The following RIF1 variants were observed in gnomAD, a reference collection of about 807,000 sequenced individuals.
The protein encoded by RIF1 is telomere-associated protein RIF1.
Under a neutral mutation model 247.1 loss-of-function variants are expected in RIF1, and 45 were observed. That is an observed-to-expected ratio of 0.18 (90% CI 0.14 to 0.23). The LOEUF is 0.23. RIF1 is among the 10% of genes least tolerant of loss of function. The probability of loss-of-function intolerance (pLI) is 1.00; values close to 1 mark genes in which losing one functional copy is unlikely to be tolerated. For synonymous variants in RIF1, 1,087 were observed against 978.8 expected (o/e 1.11, Z -2.06); for missense variants, 2,967 against 2,862.5 (o/e 1.04, Z -0.83).
At chr2:151,519,708 C>G in the RIF1 span, 1 of 1,613,226 alleles carries the variant, frequency 6.2e-7, no homozygotes, top group Non-Finnish European at 8.5e-7. Context: ...AGCTGGCTGT[C>G]TTTTGGATTG....
chr2:151,501,255 A>G, intron 11 of RIF1: 2 of 557,996 alleles, frequency 3.6e-6, no homozygotes, highest in Non-Finnish European at 6.4e-6. Flanking sequence ...GATCTGGAAA[A>G]CAGAAGGATT....
chr2:151,445,197 G>A (rs1049795120), intron 18 of RIF1, 141 bp from the exon 19 acceptor site: 5 of 635,336 alleles, frequency 7.9e-6, no homozygotes, highest in Admixed American at 5.2e-5. Context: ...GCGTAGGTTC[G>A]AGGGGTTAAG....
At chr2:151,474,547 A>G (rs1221271875) in intron 35 of RIF1, among the ~76,000 whole-genome samples, 1 of 152,156 alleles carries the variant, frequency 6.6e-6, no homozygotes, top group Non-Finnish European at 1.5e-5. Flanking sequence ...GTGGTGGTGC[A>G]TGCCAGTAAT....
chr2:151,504,947 G>C (rs1397626682), intron 12 of RIF1, among the ~76,000 whole-genome samples: 2 of 152,004 alleles, frequency 1.3e-5, no homozygotes, highest in Non-Finnish European at 2.9e-5. Context: ...AGAGAGCAAA[G>C]AATACAGGAG....
At chr2:151,425,032 A>G (rs1198085841) in intron 8 of RIF1, among the ~76,000 whole-genome samples, 11 of 151,592 alleles carry the variant, frequency 7.3e-5, no homozygotes, top group Non-Finnish European at 1.3e-4. Context: ...CCAGTAATGC[A>G]CTGGGGTTCC....
In RIF1 at chr2:151,412,730, G is replaced by A. The variant is rs573915977; in HGVS notation, c.183+1392G>A. ...ACTCTTGACCTCAGGTGATCCACCCGCCTTGGCCTCTCAGAGGGCTAGGAT... is the reference window on the plus strand; with the variant it reads ...ACTCTTGACCTCAGGTGATCCACCCACCTTGGCCTCTCAGAGGGCTAGGAT... On this transcript the variant is annotated intron_variant, in intron 3 of 35. Transcript: ENST00000444746. Among the ~76,000 whole-genome samples, 3 of 152,074 alleles carry A rather than the reference G, an allele frequency of 2.0e-5. No homozygotes were observed. In the South Asian group the frequency reaches 6.2e-4, roughly 32 times the overall value.
the RIF1 span, chr2:151,514,359 C>G: frequency 6.2e-7 from 1 of 1,613,836 alleles, no homozygotes; most frequent in South Asian, 1.1e-5. Context: ...CTTAGCATGT[C>G]AGGTGTATCT....
chr2:151,505,505 C>CA, intron 12 of RIF1: 1 of 1,613,840 alleles, frequency 6.2e-7, no homozygotes, highest in East Asian at 2.2e-5. Context: ...GCGTCTCCTT[C>CA]ACACGTTTCA....
chr2:151,415,399 G>A lies in RIF1; in HGVS notation c.280+480G>A, dbSNP rs116185216. On this transcript the variant is annotated intron_variant, in intron 4 of 35. Transcript: ENST00000444746. ...ATTACCTACACATAGCTCTAACTTC[G>A]ATACTACAAAATTTGCTCTTAAAAA... Among the ~76,000 whole-genome samples, 469 of 150,518 alleles carry A rather than the reference G, an allele frequency of 3.1e-3. 2 individuals carry two copies. The highest frequency in any genetic ancestry group is 0.01 in the African/African-American group (415 of 40,964).
intron 12 of RIF1, among the ~76,000 whole-genome samples, chr2:151,505,756 CAGGGA>C (rs2068315894): frequency 1.3e-5 from 2 of 152,160 alleles, no homozygotes; most frequent in Non-Finnish European, 2.9e-5. Flanking sequence ...ATTCCAAGGA[CAGGGA>C]CGCTTTGTCT....
the RIF1 span, among the ~76,000 whole-genome samples, chr2:151,527,299 G>C: frequency 6.6e-6 from 1 of 152,178 alleles, no homozygotes; most frequent in African/African-American, 2.4e-5. Context: ...AAGGAGAATA[G>C]GCTCCATGGG....
chr2:151,492,447 G>C, intron 9 of RIF1: 1 of 1,613,186 alleles, frequency 6.2e-7, no homozygotes, highest in South Asian at 1.1e-5. Flanking sequence ...CCAATACATA[G>C]GCAGCTTTGC....
chr2:151,454,779 C>T (rs1469321699), intron 21 of RIF1, 116 bp from the exon 22 acceptor site: 10 of 675,166 alleles, frequency 1.5e-5, no homozygotes, highest in East Asian at 1.2e-4. Flanking sequence ...AGTCAGCAAA[C>T]GGACATGTAT....
intron 14 of RIF1, 129 bp downstream of exon 14, chr2:151,438,875 C>A: frequency 1.7e-6 from 1 of 593,454 alleles, no homozygotes; most frequent in Non-Finnish European, 3.0e-6. Flanking sequence ...ACTACCGTAG[C>A]TTCCAGTTTT....
chr2:151,466,180 T>C (rs938688443), intron 30 of RIF1, 60 bp downstream of exon 30: 7 of 930,628 alleles, frequency 7.5e-6, no homozygotes, highest in African/African-American at 1.7e-5. Context: ...ATTTTGGCCA[T>C]ACAGTGACCT....
chr2:151,519,548 G>T, the RIF1 span: 1 of 795,890 alleles, frequency 1.3e-6, no homozygotes, highest in Non-Finnish European at 2.0e-6. Context: ...AATAGTGACA[G>T]TAGTTGGATA....
Position 151,475,122 on chromosome 2 carries a change from T to C in RIF1, c.*51T>C, listed in dbSNP as rs1296256658. ...TTTTAAACATCACTGGATTTCTTGA[T>C]TGAGGAAACAAGTTCTGAAATAATA... On this transcript the variant is annotated 3_prime_UTR_variant, in exon 36 of 36. Coordinates refer to ENST00000444746, the MANE Select transcript of RIF1 (RefSeq NM_018151.5). 4 of 1,263,942 alleles carry C rather than the reference T, an allele frequency of 3.2e-6. No homozygotes were observed. Among genetic ancestry groups the C allele is most frequent in the Admixed American group, 3.4e-5 (2 of 58,074 alleles). 78.3% of individuals were successfully genotyped at this position (1,263,942 alleles called of 1,614,324 possible). A position where few individuals can be genotyped will look rare whatever the true frequency, so the allele number is the denominator to read the frequency against.
Position 151,480,818 on chromosome 2 carries a change from A to G in RIF1, c.*5747A>G, listed in dbSNP as rs2049137059. 1.3e-5 allele frequency: 2 copies of G among 152,180 alleles called. No homozygotes were observed. Among genetic ancestry groups the G allele is most frequent in the Non-Finnish European group, 2.9e-5 (2 of 68,026 alleles). The allele number at this position is 152,180 out of a possible 1,614,324, so 9.4% of individuals were successfully genotyped here. ...CTAAAAGAAAACAATTAAGAGCAAA[A>G]TTGGTTTTGAGTATAGAAACTGAAG... is the stretch of plus-strand genomic sequence containing the variant. On this transcript the variant is annotated 3_prime_UTR_variant, in exon 36 of 36. Transcript: ENST00000444746.
intron 11 of RIF1, among the ~76,000 whole-genome samples, chr2:151,502,029 G>C (rs762428980): frequency 1.3e-5 from 2 of 152,198 alleles, no homozygotes; most frequent in African/African-American, 2.4e-5. Flanking sequence ...GAATGAAAAT[G>C]TTTAAGAATG....
Sources: gnomAD v4.1 joint callset for allele counts (sites outside exome capture counted in the v4.1 genomes callset) on GRCh38, gnomAD v4.1.1 for gene constraint, MANE v1.5 for transcripts, NCBI Gene and HGNC (gene_info 2026-07-23, HGNC 2026-07-21) for gene names.